The following LIPI variants were observed in gnomAD, a reference collection of about 807,000 sequenced individuals.
LIPI encodes the protein lipase I, also known as lipase member I.
A neutral mutation model predicts 50.6 loss-of-function variants in LIPI; 59 were observed. The ratio of observed to expected loss-of-function variants is 1.16; its 90% CI spans 0.94 to 1.45. LIPI has a LOEUF of 1.45. Among genes scored for constraint, LIPI ranks in the 40% most tolerant of loss-of-function variants. The pLI is 0.00. For missense variants in LIPI, 586 were observed against 536.3 expected (o/e 1.09, Z -0.92); for synonymous variants, 203 against 178.2 (o/e 1.14, Z -1.11).
At position 14,165,229 on chromosome 21, in the gene LIPI, G is replaced by T; in HGVS notation, c.895C>A (p.Arg299=). 1 of 1,605,286 alleles carries T rather than the reference G, an allele frequency of 6.2e-7. No homozygotes were observed. ...CTATAATAATCTCTCTTACCCAGCC[G>T]AGGACATGATTTTTCCTTAAAACAG... is the stretch of plus-strand genomic sequence containing the variant. ...CDCFKEKSCP[R]LGYQAKLFKG... The change falls in exon 6 of 10, where the codon CGG becomes AGG. Residue 299 remains arginine, a synonymous_variant. Coordinates refer to ENST00000681601, the MANE Select transcript of LIPI (RefSeq NM_001302998.2).
rs545233886 is a variant in LIPI at position 14,186,067 on chromosome 21, C to A, written c.435G>T (p.Lys145Asn). The A allele has an allele frequency of 6.5e-7, 1 of 1,542,666 alleles. No homozygotes were observed. The highest frequency in any genetic ancestry group is 2.2e-5 in the East Asian group (1 of 44,476). Reference protein sequence around the residue: ...SLSVHIKNLLKHGASLDNFHF... With the variant: ...SLSVHIKNLLNHGASLDNFHF... ...GAAAATTGTCAAGAGATGCACCATG[C>A]TTCTGCAATTAAAGAGAAAGGCAAT... The change falls in exon 3 of 10, where the codon AAG (lysine) becomes AAT (asparagine). Residue 145 changes from lysine (K) to asparagine (N), a missense_variant and splice_region_variant. Coordinates refer to ENST00000681601, the MANE Select transcript of LIPI (RefSeq NM_001302998.2).
intron 9 of LIPI, among the ~76,000 whole-genome samples, chr21:14,135,455 C>T (rs2017457527): frequency 6.6e-6 from 1 of 152,122 alleles, no homozygotes; most frequent in Admixed American, 6.6e-5. Flanking sequence ...TCCCCCATCC[C>T]CAGGAGTGGC....
intron 1 of LIPI, among the ~76,000 whole-genome samples, chr21:14,199,250 C>A (rs189649639): frequency 6.6e-6 from 1 of 151,656 alleles, no homozygotes; most frequent in African/African-American, 2.4e-5. Context: ...AAAATCAGAG[C>A]TGAACTGACG....
At chr21:14,171,781 A>G (rs572951382) in intron 4 of LIPI, among the ~76,000 whole-genome samples, 1 of 152,020 alleles carries the variant, frequency 6.6e-6, no homozygotes, top group African/African-American at 2.4e-5. Flanking sequence ...AAACCTAGGC[A>G]ATACCATTCA....
At chr21:14,166,045 A>T (rs985488378) in intron 5 of LIPI, among the ~76,000 whole-genome samples, 1 of 152,208 alleles carries the variant, frequency 6.6e-6, no homozygotes, top group Admixed American at 6.5e-5. Context: ...CCTGAGATCA[A>T]AGTTGTATTA....
At chr21:14,119,072 G>T (rs1211865261) in intron 9 of LIPI, among the ~76,000 whole-genome samples, 10 of 152,120 alleles carry the variant, frequency 6.6e-5, no homozygotes, top group Admixed American at 5.9e-4. Flanking sequence ...ACACATAAAA[G>T]ATGCATTCTT....
At chr21:14,195,715 G>A (rs1236950469) in intron 1 of LIPI, among the ~76,000 whole-genome samples, 4 of 152,084 alleles carry the variant, frequency 2.6e-5, no homozygotes, top group Non-Finnish European at 4.4e-5. Flanking sequence ...GCAGACTTGT[G>A]TATCTGAAAA....
chr21:14,160,930 T>C (rs1283380904), intron 7 of LIPI, among the ~76,000 whole-genome samples: 3 of 151,410 alleles, frequency 2.0e-5, no homozygotes, highest in African/African-American at 7.3e-5. Context: ...AGCATCACTG[T>C]ATGCCTGTCA....
rs201956698 is a variant in LIPI at position 14,166,515 on chromosome 21, C to A, written c.644-64G>T. ...AATCAGGTGAGTATCTTGCATAAAACAAAATAGCCTATAAAATCCATTGAA... is the reference window on the plus strand; with the variant it reads ...AATCAGGTGAGTATCTTGCATAAAAAAAAATAGCCTATAAAATCCATTGAA... On this transcript the variant is annotated intron_variant, in intron 4 of 9. Transcript: ENST00000681601. 2.4e-6 allele frequency: 2 copies of A among 834,700 alleles called. No homozygotes were observed. Among genetic ancestry groups the A allele is most frequent in the Non-Finnish European group, 4.2e-6 (2 of 475,338 alleles). 51.7% of individuals were successfully genotyped at this position (834,700 alleles called of 1,614,324 possible). A position where few individuals can be genotyped will look rare whatever the true frequency, so the allele number is the denominator to read the frequency against.
chr21:14,200,929 T>A (rs2020030698), intron 1 of LIPI, among the ~76,000 whole-genome samples: 1 of 151,898 alleles, frequency 6.6e-6, no homozygotes, highest in South Asian at 2.1e-4. Context: ...CATAAACCAG[T>A]GGAACAGAGT....
chr21:14,131,585 A>G (rs1485848049), intron 9 of LIPI, among the ~76,000 whole-genome samples: 1 of 152,172 alleles, frequency 6.6e-6, no homozygotes, highest in Non-Finnish European at 1.5e-5. Context: ...GAAGCACTTT[A>G]AAAAACTGAA....
At chr21:14,172,632 C>G in intron 4 of LIPI, among the ~76,000 whole-genome samples, 1 of 151,494 alleles carries the variant, frequency 6.6e-6, no homozygotes. Flanking sequence ...AACCAAACAC[C>G]GCATATTCTC....
rs138087324 is a variant in LIPI, at chr21:14,114,394, C to T, written c.1296-5314G>A. ...CCAGTGGCTCTAACAAAACAAGGGA[C>T]CATAGAAAAGACCCACAAAGTGCAG... is the stretch of plus-strand genomic sequence containing the variant. On this transcript the variant is annotated intron_variant, in intron 9 of 9. Coordinates refer to ENST00000681601, the MANE Select transcript of LIPI (RefSeq NM_001302998.2). Among the ~76,000 whole-genome samples the T allele has an allele frequency of 4.6e-3, 707 of 152,076 alleles. 6 individuals carry two copies. Among genetic ancestry groups the T allele is most frequent in the African/African-American group, 0.016 (671 of 41,460 alleles).
chr21:14,203,669 C>T (rs1454975979), intron 1 of LIPI, among the ~76,000 whole-genome samples: 1 of 152,062 alleles, frequency 6.6e-6, no homozygotes, highest in East Asian at 1.9e-4. Flanking sequence ...GAACATCACA[C>T]ACTGGGGCCT....
rs1262505074 is a variant in LIPI at position 14,170,879 on chromosome 21, A to G, written c.644-4428T>C. ...GTTCTGGCCAGGGCAATTAGGCAGG[A>G]GAAGGAAATAAAGGGTATTCAATTA... is the stretch of plus-strand genomic sequence containing the variant. On this transcript the variant is annotated intron_variant, in intron 4 of 9. Coordinates refer to ENST00000681601, the MANE Select transcript of LIPI (RefSeq NM_001302998.2). Among the ~76,000 whole-genome samples, 11 of 151,906 alleles carry G rather than the reference A, an allele frequency of 7.2e-5. No individual in the cohort carries two copies. The East Asian group carries it at 2.1e-3, about 29-fold the overall frequency.
chr21:14,148,059 G>T (rs867179510), intron 8 of LIPI, among the ~76,000 whole-genome samples: 2 of 151,802 alleles, frequency 1.3e-5, no homozygotes, highest in African/African-American at 4.8e-5. Context: ...TAATATATCT[G>T]GTCCAATGAA....
chr21:14,195,763 T>A (rs2019822984), intron 1 of LIPI, among the ~76,000 whole-genome samples: 1 of 152,104 alleles, frequency 6.6e-6, no homozygotes, highest in Non-Finnish European at 1.5e-5. Context: ...TGTATTATAA[T>A]AAGAAAATTC....
chr21:14,114,692 G>A (rs182358311), intron 9 of LIPI, among the ~76,000 whole-genome samples: 2 of 152,314 alleles, frequency 1.3e-5, no homozygotes, highest in Non-Finnish European at 2.9e-5. Context: ...ACATGCCTGA[G>A]TCATGCAGAT....
At position 14,144,775 on chromosome 21, in the gene LIPI, A is replaced by T. The variant is rs2017840695; in HGVS notation, c.1143T>A (p.Leu381=). ...LYEKNKPFYK[L]QEVKILAQFY... ...ATTGAGCAAGAATCTTGACTTCTTGAAGTTTATAAAATGGTTTGTTCTTTC... is the reference window on the plus strand; with the variant it reads ...ATTGAGCAAGAATCTTGACTTCTTGTAGTTTATAAAATGGTTTGTTCTTTC... Residue 381 remains leucine, a synonymous_variant, in exon 9 of 10, where the codon CTT becomes CTA. Transcript: ENST00000681601. The T allele has an allele frequency of 1.3e-6, 2 of 1,577,494 alleles. No homozygotes were observed. Among genetic ancestry groups the T allele is most frequent in the Non-Finnish European group, 1.7e-6 (2 of 1,148,014 alleles).
Sources: allele counts gnomAD v4.1 joint callset (sites outside exome capture counted in the v4.1 genomes callset), GRCh38; gene constraint gnomAD v4.1.1; transcripts MANE v1.5; gene names NCBI Gene and HGNC (gene_info 2026-07-23, HGNC 2026-07-21).